Variants in FHOD3 observed in about 807,000 individuals in gnomAD.
FHOD3 encodes formin homology 2 domain containing 3.
FHOD3 carries 90 observed loss-of-function variants against 173.0 expected under a neutral mutation model. The ratio of observed to expected loss-of-function variants is 0.52; its 90% CI spans 0.44 to 0.62. The LOEUF is 0.62. Among genes scored for constraint, FHOD3 ranks in the 20% least tolerant of loss-of-function variants. FHOD3 has a pLI of 0.00. For missense variants in FHOD3, 1,945 were observed against 2,034.7 expected (o/e 0.96, Z 0.85); for synonymous variants, 828 against 823.0 (o/e 1.01, Z -0.10).
intron 6 of FHOD3, among the ~76,000 whole-genome samples, chr18:36,582,687 T>G (rs2058896431): frequency 6.6e-6 from 1 of 152,176 alleles, no homozygotes; most frequent in Admixed American, 6.5e-5. Context: ...AATTTTCAGC[T>G]CCTCATCATA....
intron 9 of FHOD3, among the ~76,000 whole-genome samples, chr18:36,618,283 A>G (rs1599894740): frequency 1.4e-5 from 2 of 138,194 alleles, no homozygotes; most frequent in Non-Finnish European, 3.1e-5. Flanking sequence ...TTGTAATACA[A>G]TCCATTTGGT....
intron 9 of FHOD3, among the ~76,000 whole-genome samples, chr18:36,616,284 A>T (rs1258781607): frequency 6.6e-6 from 1 of 152,166 alleles, no homozygotes; most frequent in East Asian, 1.9e-4. Flanking sequence ...GGCTCAGATG[A>T]CCACAGATTT....
At chr18:36,482,446 C>A (rs983030576) in intron 3 of FHOD3, among the ~76,000 whole-genome samples, 1 of 116,494 alleles carries the variant, frequency 8.6e-6, no homozygotes, top group Admixed American at 1.0e-4. Flanking sequence ...GTGACCACTG[C>A]GTGACCCCCC....
intron 10 of FHOD3, among the ~76,000 whole-genome samples, chr18:36,633,879 T>A (rs1170832534): frequency 1.3e-5 from 2 of 152,206 alleles, no homozygotes; most frequent in African/African-American, 4.8e-5. Context: ...TGCTTGTTTT[T>A]CTCATAAATG....
intron 1 of FHOD3, among the ~76,000 whole-genome samples, chr18:36,313,776 G>A (rs2092307155): frequency 6.6e-6 from 1 of 152,146 alleles, no homozygotes; most frequent in Non-Finnish European, 1.5e-5. Context: ...TCATTTTTCT[G>A]TGATAAATAC....
intron 15 of FHOD3, among the ~76,000 whole-genome samples, chr18:36,685,313 A>AC (rs1450753137): frequency 1.8e-4 from 27 of 152,264 alleles, no homozygotes; most frequent in Admixed American, 7.8e-4. Flanking sequence ...ATGCTAATCA[A>AC]CCGTAGGCAA....
chr18:36,737,114 T>C (rs754439217), intron 20 of FHOD3, among the ~76,000 whole-genome samples: 1 of 152,202 alleles, frequency 6.6e-6, no homozygotes, highest in Admixed American at 6.5e-5. Context: ...GCTATTCTTA[T>C]TGTCAGTGAT....
At chr18:36,555,313 C>A (rs748710008) in intron 5 of FHOD3, among the ~76,000 whole-genome samples, 1 of 151,078 alleles carries the variant, frequency 6.6e-6, no homozygotes, top group Non-Finnish European at 1.5e-5. Flanking sequence ...AAGTGTGTTA[C>A]TTACAAAAAT....
At chr18:36,636,656 GT>G (rs34551927) in intron 10 of FHOD3, among the ~76,000 whole-genome samples, 277 of 141,926 alleles carry the variant, frequency 2.0e-3, no homozygotes, top group Middle Eastern at 3.7e-3. Context: ...CATTCCTGAG[GT>G]TTTTTTTTTT....
chr18:36,649,393 A>G lies in FHOD3; in HGVS notation c.1274A>G (p.Gln425Arg). Residue 425 changes from glutamine (Q) to arginine (R), a missense_variant, in exon 11 of 29, where the codon CAG (glutamine) becomes CGG (arginine). By Grantham distance (43) the Gln-to-Arg change is conservative. This residue lies in a region of FHOD3 where 1,099 missense variants were observed against 1,051.2 expected (regional missense o/e 1.05). Coordinates refer to ENST00000590592, the MANE Select transcript of FHOD3 (RefSeq NM_001281740.3). ...GAGAGAGAGGATGATGCTTCCTGTC[A>G]GGGCAAGGACAGGTACCTAGGACTG... ...EEEREDDASC[Q>R]GKDSKVGAAS... The G allele has an allele frequency of 1.3e-6, 2 of 1,535,404 alleles. No homozygotes were observed. Among genetic ancestry groups the G allele is most frequent in the Non-Finnish European group, 1.7e-6 (2 of 1,146,454 alleles).
intron 2 of FHOD3, among the ~76,000 whole-genome samples, chr18:36,364,086 T>A (rs923983419): frequency 1.6e-4 from 24 of 152,224 alleles, no homozygotes; most frequent in African/African-American, 5.8e-4. Flanking sequence ...CTGGCTTTTG[T>A]CTTTCGTGTT....
chr18:36,661,550 C>A (rs2036803605), intron 14 of FHOD3, among the ~76,000 whole-genome samples: 1 of 152,156 alleles, frequency 6.6e-6, no homozygotes, highest in Non-Finnish European at 1.5e-5. Context: ...GAACTTCATT[C>A]CCTTGATTTG....
intron 14 of FHOD3, among the ~76,000 whole-genome samples, chr18:36,669,512 A>C (rs1009532801): frequency 5.9e-5 from 9 of 151,276 alleles, no homozygotes; most frequent in African/African-American, 2.2e-4. Context: ...CATATTCTTG[A>C]TTAGTTCATT....
At chr18:36,709,582 C>A in intron 18 of FHOD3, 191 bp downstream of exon 18, 1 of 615,406 alleles carries the variant, frequency 1.6e-6, no homozygotes, top group Non-Finnish European at 2.8e-6. Flanking sequence ...GCCTTCTGCC[C>A]TGTAGAAAGA....
chr18:36,481,027 T>G (rs2053860349), intron 3 of FHOD3, among the ~76,000 whole-genome samples: 1 of 147,086 alleles, frequency 6.8e-6, no homozygotes, highest in South Asian at 2.1e-4. Flanking sequence ...GTGGTTTTTT[T>G]TTTTTTTTTT....
intron 2 of FHOD3, among the ~76,000 whole-genome samples, chr18:36,367,082 A>G (rs993874740): frequency 5.3e-5 from 8 of 152,366 alleles, no homozygotes; most frequent in Non-Finnish European, 8.8e-5. Context: ...ACACAGGGTC[A>G]GAACTGAAAC....
chr18:36,652,647 C>T lies in FHOD3; in HGVS notation c.1364C>T (p.Ser455Leu), dbSNP rs2848901. Reference protein sequence around the residue: ...APKSSALPAVSNASSQGKPLL... With the variant: ...APKSSALPAVLNASSQGKPLL... The stretch of plus-strand genomic sequence containing the variant: ...AAGAGCTCTGCCCTCCCTGCTGTCT[C>T]GAATGCCAGCTCGCAGGGAAAGCCG... Residue 455 changes from serine to leucine, a missense_variant, in exon 12 of 29, where the codon TCG (serine) becomes TTG (leucine). By Grantham distance (145) the Ser-to-Leu change is moderately radical. Coordinates refer to ENST00000590592, the MANE Select transcript of FHOD3 (RefSeq NM_001281740.3). 447,306 of 1,535,256 alleles carry T rather than the reference C, an allele frequency of 0.29. 67,586 individuals carry two copies. Among genetic ancestry groups the T allele is most frequent in the Admixed American group, 0.45 (22,998 of 50,980 alleles).
chr18:36,421,198 T>A (rs1485959790), intron 3 of FHOD3, among the ~76,000 whole-genome samples: 1 of 152,230 alleles, frequency 6.6e-6, no homozygotes, highest in African/African-American at 2.4e-5. Context: ...AAACATTTTT[T>A]AAAATGGAAA....
chr18:36,494,284 A>G (rs1413705843), intron 3 of FHOD3, among the ~76,000 whole-genome samples: 3 of 151,964 alleles, frequency 2.0e-5, no homozygotes, highest in Admixed American at 6.6e-5. Context: ...TTTGCCCTCT[A>G]CTCTTGTTAT....
Sources: gnomAD v4.1 joint callset for allele counts (sites outside exome capture counted in the v4.1 genomes callset) on GRCh38, gnomAD v4.1.1 for gene constraint, gnomAD v4.1.1 regional missense constraint, MANE v1.5 for transcripts, NCBI Gene and HGNC (gene_info 2026-07-23, HGNC 2026-07-21) for gene names.